The following GPC5 variants were observed in gnomAD, a reference collection of about 807,000 sequenced individuals.
The protein encoded by GPC5 is glypican-5.
Under a neutral mutation model 53.9 loss-of-function variants are expected in GPC5, and 47 were observed. The ratio of observed to expected loss-of-function variants is 0.87; its 90% CI spans 0.69 to 1.11. The LOEUF (loss-of-function observed/expected upper bound fraction) is 1.11. Among genes scored for constraint, GPC5 ranks in the 50% most tolerant of loss-of-function variants. The pLI is 0.00. For synonymous variants in GPC5, 286 were observed against 263.3 expected (o/e 1.09, Z -0.84); for missense variants, 748 against 713.1 (o/e 1.05, Z -0.56).
At chr13:92,611,737 AT>A in intron 7 of GPC5, among the ~76,000 whole-genome samples, 1 of 152,274 alleles carries the variant, frequency 6.6e-6, no homozygotes, top group East Asian at 1.9e-4. Flanking sequence ...AATACTAAAA[AT>A]ATTCTCTCTT....
At chr13:92,539,374 A>G (rs1429994956) in intron 7 of GPC5, among the ~76,000 whole-genome samples, 2 of 152,066 alleles carry the variant, frequency 1.3e-5, no homozygotes, top group African/African-American at 4.8e-5. Context: ...TAACTGGTTG[A>G]GATGATATCT....
intron 7 of GPC5, among the ~76,000 whole-genome samples, chr13:92,385,846 GAAAT>G (rs1874690955): frequency 7.3e-6 from 1 of 137,322 alleles, no homozygotes; most frequent in African/African-American, 2.7e-5. Context: ...CAGATGAAAA[GAAAT>G]AAAACATAAA....
At chr13:92,486,762 A>C (rs1879570310) in intron 7 of GPC5, among the ~76,000 whole-genome samples, 1 of 152,246 alleles carries the variant, frequency 6.6e-6, no homozygotes, top group South Asian at 2.1e-4. Flanking sequence ...ATTAAAATTA[A>C]AATGTAAAAT....
chr13:92,207,018 T>C (rs1287105025), intron 7 of GPC5, among the ~76,000 whole-genome samples: 3 of 152,168 alleles, frequency 2.0e-5, no homozygotes, highest in Non-Finnish European at 1.5e-5. Flanking sequence ...GAATTTTCCT[T>C]TTTGCCTATC....
At chr13:91,399,263 C>T in intron 1 of GPC5, 54 bp downstream of exon 1, 4 of 1,563,548 alleles carry the variant, frequency 2.6e-6, no homozygotes, top group South Asian at 1.2e-5. Context: ...CCGGCCTTCG[C>T]TCCCCCAGGC....
rs1057164717 is a variant in GPC5, at chr13:92,517,237, A to T, written c.1562-349045A>T. 3.3e-5 allele frequency among the ~76,000 whole-genome samples: 5 copies of T among 151,984 alleles called. No homozygotes were observed. In the East Asian group the frequency reaches 9.7e-4, roughly 29 times the overall value. ...CAAGGAGGCCTGCCTGCCTCTGTAG[A>T]CTCCACCTCTGGGGACAGGGCATAG... is the stretch of plus-strand genomic sequence containing the variant. On this transcript the variant is annotated intron_variant, in intron 7 of 7. Transcript: ENST00000377067.
chr13:92,530,599 C>T (rs190993320), intron 7 of GPC5, among the ~76,000 whole-genome samples: 133 of 152,234 alleles, frequency 8.7e-4, no homozygotes, highest in East Asian at 4.1e-3. Context: ...ATGCAGTCTA[C>T]TTGTGTACCG....
At chr13:91,431,191 T>A (rs1879421446) in intron 1 of GPC5, among the ~76,000 whole-genome samples, 1 of 152,146 alleles carries the variant, frequency 6.6e-6, no homozygotes, top group Non-Finnish European at 1.5e-5. Flanking sequence ...CAGTTTATTT[T>A]CAATACATTA....
rs190417342 is a variant in GPC5, at chr13:92,412,215, G to C, written c.1561+267226G>C. 3.3e-5 allele frequency among the ~76,000 whole-genome samples: 5 copies of C among 151,638 alleles called. No homozygotes were observed. The East Asian group carries it at 9.7e-4, about 29-fold the overall frequency. On this transcript the variant is annotated intron_variant, in intron 7 of 7. Coordinates refer to ENST00000377067, the MANE Select transcript of GPC5 (RefSeq NM_004466.6). The stretch of plus-strand genomic sequence containing the variant: ...AAATTCCTATTTTAAAAAGTTTGCA[G>C]GGGAAAAGAACATTGAATTCATTGG...
intron 6 of GPC5, among the ~76,000 whole-genome samples, chr13:91,921,428 G>T (rs1022596980): frequency 6.6e-6 from 1 of 152,094 alleles, no homozygotes; most frequent in Non-Finnish European, 1.5e-5. Context: ...ATATGGAAAA[G>T]ATACTGCTAA....
intron 6 of GPC5, among the ~76,000 whole-genome samples, chr13:92,066,103 G>A (rs2041165421): frequency 6.6e-6 from 1 of 152,030 alleles, no homozygotes; most frequent in Non-Finnish European, 1.5e-5. Flanking sequence ...TAAAAGGGAG[G>A]CAGAAGTTTA....
intron 2 of GPC5, among the ~76,000 whole-genome samples, chr13:91,475,373 C>A (rs1268100233): frequency 6.6e-6 from 1 of 152,108 alleles, no homozygotes; most frequent in Admixed American, 6.6e-5. Flanking sequence ...TGATTCTGGT[C>A]AGAAAGATGT....
intron 7 of GPC5, among the ~76,000 whole-genome samples, chr13:92,444,337 A>G (rs909743905): frequency 3.3e-5 from 5 of 152,148 alleles, no homozygotes; most frequent in African/African-American, 9.7e-5. Flanking sequence ...GAAAAAGGGA[A>G]AAGTTATTTA....
At chr13:91,874,977 C>T (rs2039186074) in intron 5 of GPC5, among the ~76,000 whole-genome samples, 1 of 152,078 alleles carries the variant, frequency 6.6e-6, no homozygotes, top group Non-Finnish European at 1.5e-5. Flanking sequence ...CTGGAGATCT[C>T]CTGTGACTAA....
chr13:91,460,550 C>T (rs992558629), intron 2 of GPC5, among the ~76,000 whole-genome samples: 3 of 152,112 alleles, frequency 2.0e-5, no homozygotes, highest in South Asian at 4.1e-4. Context: ...GATCCACCCA[C>T]CTCAGCCTCC....
chr13:92,137,385 G>C (rs1482380289), intron 6 of GPC5, among the ~76,000 whole-genome samples: 2 of 152,162 alleles, frequency 1.3e-5, no homozygotes, highest in Non-Finnish European at 2.9e-5. Flanking sequence ...TAATTAGGTA[G>C]ACGCAAATGA....
intron 7 of GPC5, among the ~76,000 whole-genome samples, chr13:92,348,224 C>T (rs2043444200): frequency 6.6e-6 from 1 of 151,262 alleles, no homozygotes; most frequent in Non-Finnish European, 1.5e-5. Context: ...CTGTAAGAGC[C>T]TCACCTTGTA....
intron 7 of GPC5, among the ~76,000 whole-genome samples, chr13:92,648,865 C>T (rs1270025386): frequency 2.6e-5 from 4 of 152,040 alleles, no homozygotes; most frequent in Admixed American, 2.0e-4. Context: ...GCTCATTAGA[C>T]GTAACTTTCC....
rs1254261719 is a variant in GPC5, at chr13:91,482,035, A to G, written c.325+33113A>G. 2.6e-5 allele frequency among the ~76,000 whole-genome samples: 4 copies of G among 152,218 alleles called. No homozygotes were observed. The South Asian group carries it at 6.2e-4, about 24-fold the overall frequency. On this transcript the variant is annotated intron_variant, in intron 2 of 7. Transcript: ENST00000377067. ...TAGAATATCCCATATCCAAAAGTCT[A>G]TCTGTCATGGTGCCTCCTTGGTTAC...
Sources: allele counts gnomAD v4.1 joint callset (sites outside exome capture counted in the v4.1 genomes callset), GRCh38; gene constraint gnomAD v4.1.1; transcripts MANE v1.5; gene names NCBI Gene and HGNC (gene_info 2026-07-23, HGNC 2026-07-21).